The following ADAMTS6 variants were observed in gnomAD, a reference collection of about 807,000 sequenced individuals.
ADAMTS6 encodes the protein ADAM metallopeptidase with thrombospondin type 1 motif 6, also known as A disintegrin and metalloproteinase with thrombospondin motifs 6.
Under a neutral mutation model 144.3 loss-of-function variants are expected in ADAMTS6, and 23 were observed. That is an observed-to-expected ratio of 0.16 (90% CI 0.11 to 0.23). The LOEUF (loss-of-function observed/expected upper bound fraction) is 0.23. Ranked by LOEUF, ADAMTS6 falls within the 10% of genes least tolerant of loss-of-function variation. The pLI, the probability that ADAMTS6 is intolerant of heterozygous loss-of-function variation, is 1.00. For synonymous variants in ADAMTS6, 444 were observed against 457.5 expected, an observed-to-expected ratio of 0.97 and a Z score of 0.38; for missense variants, 999 against 1,379.6, an observed-to-expected ratio of 0.72 and a Z score of 4.37.
intron 8 of ADAMTS6, among the ~76,000 whole-genome samples, chr5:65,330,976 C>T (rs1256367045): frequency 1.3e-5 from 2 of 151,428 alleles, no homozygotes; most frequent in African/African-American, 4.8e-5. Context: ...ATGTCATTTC[C>T]AATCTCCACT....
chr5:65,250,805 C>G (rs2112540057), intron 14 of ADAMTS6, among the ~76,000 whole-genome samples: 1 of 152,218 alleles, frequency 6.6e-6, no homozygotes, highest in East Asian at 1.9e-4. Context: ...CCAGGAAACT[C>G]CTTTTAGAAA....
chr5:65,298,371 G>T (rs528570703), intron 10 of ADAMTS6, among the ~76,000 whole-genome samples: 1 of 152,176 alleles, frequency 6.6e-6, no homozygotes, highest in South Asian at 2.1e-4. Flanking sequence ...GGAATCTTGA[G>T]CATGTTATAC....
chr5:65,214,896 T>G lies in ADAMTS6; in HGVS notation c.2473A>C (p.Lys825Gln). ...LQEQNLGIRYKFNVPITRTGS... is the reference protein window; with the variant it reads ...LQEQNLGIRYQFNVPITRTGS... Reference sequence around the variant, plus strand: ...GTTCGAGTGATGGGAACATTGAACTTATACCTAATTCCCAAATTCTGTTCT... The same window carrying G: ...GTTCGAGTGATGGGAACATTGAACTGATACCTAATTCCCAAATTCTGTTCT... Residue 825 changes from lysine to glutamine, a missense_variant, in exon 20 of 25, where the codon AAG (lysine) becomes CAG (glutamine). By Grantham distance (53) the Lys-to-Gln change is moderately conservative. This residue lies in a region of ADAMTS6 where 619 missense variants were observed against 837.0 expected (regional missense o/e 0.74). Coordinates refer to ENST00000381055, the MANE Select transcript of ADAMTS6 (RefSeq NM_197941.4). The surrounding 1 kb of genome is among the most constrained non-coding windows in gnomAD (Gnocchi z 4.6). 1 of 1,614,124 alleles carries G rather than the reference T, an allele frequency of 6.2e-7. No individual in the cohort carries two copies. The highest frequency in any genetic ancestry group is 1.1e-5 in the South Asian group (1 of 91,056).
chr5:65,265,048 T>A (rs930684338), intron 12 of ADAMTS6, among the ~76,000 whole-genome samples: 7 of 152,088 alleles, frequency 4.6e-5, no homozygotes, highest in African/African-American at 1.7e-4. Context: ...GTGCTAGTTG[T>A]AACAGCATAA....
chr5:65,314,782 A>C (rs1436927754), intron 9 of ADAMTS6, among the ~76,000 whole-genome samples: 2 of 152,204 alleles, frequency 1.3e-5, no homozygotes, highest in African/African-American at 4.8e-5. Context: ...TTTCTAAGAT[A>C]AACCTAAACT....
intron 1 of ADAMTS6, among the ~76,000 whole-genome samples, chr5:65,476,744 G>A (rs1760864106): frequency 1.3e-5 from 2 of 152,086 alleles, no homozygotes. Flanking sequence ...GAGTAGCTGG[G>A]ATTACAGATG....
chr5:65,225,494 G>A (rs1207675837), intron 16 of ADAMTS6, among the ~76,000 whole-genome samples: 3 of 152,054 alleles, frequency 2.0e-5, no homozygotes, highest in Non-Finnish European at 4.4e-5. Flanking sequence ...GGTTTTTGTG[G>A]CTTTTCTTAT....
At chr5:65,353,175 G>T (rs903696926) in intron 7 of ADAMTS6, among the ~76,000 whole-genome samples, 1 of 151,980 alleles carries the variant, frequency 6.6e-6, no homozygotes, top group Non-Finnish European at 1.5e-5. Context: ...TAATATTAAA[G>T]AAATGATTCA....
At chr5:65,283,194 G>A (rs895395124) in intron 11 of ADAMTS6, among the ~76,000 whole-genome samples, 1 of 152,024 alleles carries the variant, frequency 6.6e-6, no homozygotes, top group Non-Finnish European at 1.5e-5. Flanking sequence ...ATCACACAAA[G>A]GAAAATTGAA....
intron 7 of ADAMTS6, among the ~76,000 whole-genome samples, chr5:65,425,362 T>C (rs1182827845): frequency 6.6e-6 from 1 of 152,166 alleles, no homozygotes; most frequent in African/African-American, 2.4e-5. Context: ...ATGACAGACC[T>C]GCATTTTTTC....
chr5:65,364,616 G>C (rs1274582670), intron 7 of ADAMTS6, among the ~76,000 whole-genome samples: 2 of 148,088 alleles, frequency 1.4e-5, no homozygotes, highest in Admixed American at 1.3e-4. Context: ...GCCCAGGCTG[G>C]AGTGCAGTGG....
At chr5:65,332,306 T>G (rs887648677) in intron 8 of ADAMTS6, among the ~76,000 whole-genome samples, 1,829 of 120,596 alleles carry the variant, frequency 0.015, 32 homozygotes, top group African/African-American at 0.046. Context: ...TATATATATA[T>G]ATATATAGAG....
intron 7 of ADAMTS6, among the ~76,000 whole-genome samples, chr5:65,429,940 TA>T (rs1302579199): frequency 1.3e-5 from 2 of 152,114 alleles, no homozygotes; most frequent in African/African-American, 4.8e-5. Flanking sequence ...ACTTAACAAT[TA>T]AGGTGTACCA....
At chr5:65,261,664 A>T (rs1370845707) in intron 13 of ADAMTS6, among the ~76,000 whole-genome samples, 2 of 152,182 alleles carry the variant, frequency 1.3e-5, no homozygotes, top group Non-Finnish European at 2.9e-5. Context: ...AGCTTGAACC[A>T]GCTTGAGAGA....
intron 9 of ADAMTS6, among the ~76,000 whole-genome samples, chr5:65,318,174 A>C (rs1205924100): frequency 3.9e-5 from 6 of 152,180 alleles, no homozygotes; most frequent in Non-Finnish European, 8.8e-5. Flanking sequence ...CGAAACTACA[A>C]TGAGATATCA....
At chr5:65,310,078 T>TG (rs909350308) in intron 9 of ADAMTS6, among the ~76,000 whole-genome samples, 1 of 151,976 alleles carries the variant, frequency 6.6e-6, no homozygotes, top group Non-Finnish European at 1.5e-5. Context: ...TGAGTTCTTG[T>TG]GAGATCTGGT....
intron 18 of ADAMTS6, among the ~76,000 whole-genome samples, chr5:65,218,469 T>C (rs1412131137): frequency 4.6e-5 from 7 of 152,122 alleles, no homozygotes; most frequent in Non-Finnish European, 8.8e-5. Context: ...GAGAATGTGA[T>C]TCAAACAGGA....
At chr5:65,377,529 T>G (rs1265895599) in intron 7 of ADAMTS6, among the ~76,000 whole-genome samples, 1 of 152,170 alleles carries the variant, frequency 6.6e-6, no homozygotes, top group East Asian at 1.9e-4. Flanking sequence ...TAAAATCCCA[T>G]TTAAGAATGA....
intron 7 of ADAMTS6, among the ~76,000 whole-genome samples, chr5:65,371,436 G>A (rs1750901023): frequency 6.6e-6 from 1 of 152,080 alleles, no homozygotes; most frequent in African/African-American, 2.4e-5. Context: ...AGGAGCTGAT[G>A]GAGCTGAAAA....
Sources: allele counts gnomAD v4.1 joint callset (sites outside exome capture counted in the v4.1 genomes callset), GRCh38; gene constraint gnomAD v4.1.1; regional missense constraint gnomAD v4.1.1; non-coding constraint Gnocchi (gnomAD v3.1); transcripts MANE v1.5; gene names NCBI Gene and HGNC (gene_info 2026-07-23, HGNC 2026-07-21).